Variants in SWAP70 observed in about 807,000 individuals in gnomAD.
SWAP70 encodes switch-associated protein 70.
Under a neutral mutation model 80.2 loss-of-function variants are expected in SWAP70, and 34 were observed. The observed-to-expected ratio is 0.42, with a 90% CI of 0.32 to 0.56. The LOEUF (loss-of-function observed/expected upper bound fraction) is 0.56. SWAP70 is among the 20% of genes least tolerant of loss of function. SWAP70 has a pLI of 0.09. For synonymous variants in SWAP70, 239 were observed against 238.5 expected, an observed-to-expected ratio of 1.00 and a Z score of -0.02; for missense variants, 578 against 690.7, an observed-to-expected ratio of 0.84 and a Z score of 1.83.
intron 9 of SWAP70, 77 bp from the exon 10 acceptor site, chr11:9,747,780 TA>T: frequency 1.4e-6 from 2 of 1,383,754 alleles, no homozygotes; most frequent in Non-Finnish European, 1.0e-6. Flanking sequence ...TTCTCTTGTC[TA>T]AAATGCTTCC....
chr11:9,668,149 A>G (rs1216570566), intron 1 of SWAP70, among the ~76,000 whole-genome samples: 2 of 152,212 alleles, frequency 1.3e-5, no homozygotes, highest in Non-Finnish European at 2.9e-5. Flanking sequence ...TTGGCCTCCC[A>G]AAGCATTGGG....
In SWAP70 at chr11:9,742,287, AT is replaced by A. The variant is rs945346744; in HGVS notation, c.1355+1949del. Among the ~76,000 whole-genome samples the A allele has an allele frequency of 7.9e-5, 12 of 151,500 alleles. No individual in the cohort carries two copies. The East Asian group carries it at 9.7e-4, about 12-fold the overall frequency. On this transcript the variant is annotated intron_variant, in intron 9 of 11. Coordinates refer to ENST00000318950, the MANE Select transcript of SWAP70 (RefSeq NM_015055.4). Reference sequence around the variant, plus strand: ...GAATATAATTATTTTATTATTCTAAATTTTTTTTTCTCTTAGTTTTTGGAAC... The same window carrying A: ...GAATATAATTATTTTATTATTCTAAATTTTTTTTCTCTTAGTTTTTGGAAC...
chr11:9,726,007 T>C (rs536847799), intron 4 of SWAP70, among the ~76,000 whole-genome samples: 199 of 152,268 alleles, frequency 1.3e-3, no homozygotes, highest in African/African-American at 4.3e-3. Context: ...GTTATGCATG[T>C]GTGTAGAGCT....
chr11:9,700,618 G>C (rs1850819208), intron 2 of SWAP70, among the ~76,000 whole-genome samples: 1 of 152,148 alleles, frequency 6.6e-6, no homozygotes, highest in South Asian at 2.1e-4. Context: ...AGGTGGCCTA[G>C]CTAATAAGTG....
intron 1 of SWAP70, among the ~76,000 whole-genome samples, chr11:9,691,245 C>T (rs1449539589): frequency 6.6e-6 from 1 of 152,140 alleles, no homozygotes; most frequent in Non-Finnish European, 1.5e-5. Flanking sequence ...AAGAAGACTT[C>T]CCTTTTATAG....
At chr11:9,702,678 C>T (rs1470657487) in intron 2 of SWAP70, among the ~76,000 whole-genome samples, 1 of 152,118 alleles carries the variant, frequency 6.6e-6, no homozygotes, top group Non-Finnish European at 1.5e-5. Context: ...GCCTTGTCCT[C>T]CCAAAGTGCT....
At chr11:9,736,021 T>C (rs1292001813) in intron 7 of SWAP70, among the ~76,000 whole-genome samples, 1 of 152,152 alleles carries the variant, frequency 6.6e-6, no homozygotes, top group African/African-American at 2.4e-5. Context: ...GTGTCCCACA[T>C]TTCTCTAAGG....
At chr11:9,704,613 G>A (rs541378098) in intron 2 of SWAP70, among the ~76,000 whole-genome samples, 3 of 151,962 alleles carry the variant, frequency 2.0e-5, no homozygotes, top group African/African-American at 2.4e-5. Context: ...GGCTGGTCTC[G>A]GACTCCTGGC....
At chr11:9,716,252 G>A (rs1343225134) in intron 3 of SWAP70, among the ~76,000 whole-genome samples, 11 of 152,140 alleles carry the variant, frequency 7.2e-5, no homozygotes, top group Non-Finnish European at 4.4e-5. Context: ...GAGGTGAGAA[G>A]TTGAGAGAAG....
At chr11:9,692,178 A>C (rs891335767) in intron 1 of SWAP70, among the ~76,000 whole-genome samples, 2 of 147,506 alleles carry the variant, frequency 1.4e-5, no homozygotes, top group Non-Finnish European at 3.0e-5. Context: ...CTATGAAGAT[A>C]AATAGATTGA....
chr11:9,749,933 G>C lies in SWAP70; in HGVS notation c.1721G>C (p.Arg574Thr), dbSNP rs774436139. The C allele has an allele frequency of 3.7e-6, 6 of 1,613,920 alleles. No homozygotes were observed. Among genetic ancestry groups the C allele is most frequent in the Non-Finnish European group, 4.2e-6 (5 of 1,179,930 alleles). Residue 574 changes from arginine to threonine, a missense_variant, in exon 12 of 12, where the codon AGA becomes ACA. Physicochemically the swap from Arg to Thr is moderately conservative, Grantham distance 71. Transcript: ENST00000318950. ...AAFTEAELEE[R>T]EKNWKEKKTT... ...TTCACTGAGGCAGAACTTGAAGAGA[G>C]AGAGAAGAACTGGAAAGAGAAAAAG...
chr11:9,675,408 A>G (rs1195418831), intron 1 of SWAP70, among the ~76,000 whole-genome samples: 26 of 117,014 alleles, frequency 2.2e-4, no homozygotes, highest in Admixed American at 5.4e-4. Flanking sequence ...AGAGAGAGAG[A>G]GAGAGAGAGA....
intron 2 of SWAP70, among the ~76,000 whole-genome samples, chr11:9,704,156 A>G (rs1317896420): frequency 1.3e-5 from 2 of 152,160 alleles, no homozygotes; most frequent in Non-Finnish European, 2.9e-5. Context: ...ATAATATTTT[A>G]ATAACAGACA....
At chr11:9,677,762 T>C (rs546499911) in intron 1 of SWAP70, among the ~76,000 whole-genome samples, 55 of 152,328 alleles carry the variant, frequency 3.6e-4, no homozygotes, top group Middle Eastern at 3.4e-3. Flanking sequence ...AAAAATTTAT[T>C]GTACCTTTTT....
intron 3 of SWAP70, among the ~76,000 whole-genome samples, chr11:9,715,716 C>T (rs555483242): frequency 2.6e-5 from 4 of 152,270 alleles, no homozygotes; most frequent in South Asian, 2.1e-4. Context: ...TTCGCTATTA[C>T]GAGAACAGCA....
At chr11:9,723,446 G>A (rs185627637) in intron 3 of SWAP70, among the ~76,000 whole-genome samples, 3 of 152,100 alleles carry the variant, frequency 2.0e-5, no homozygotes, top group African/African-American at 7.2e-5. Context: ...CTTCATAGTG[G>A]GCCATAACCC....
At chr11:9,697,867 A>G (rs1850778954) in intron 2 of SWAP70, among the ~76,000 whole-genome samples, 1 of 151,968 alleles carries the variant, frequency 6.6e-6, no homozygotes, top group African/African-American at 2.4e-5. Context: ...TGCAACCTTG[A>G]ACTCCTATGC....
At chr11:9,676,623 T>C (rs1850503756) in intron 1 of SWAP70, among the ~76,000 whole-genome samples, 1 of 152,032 alleles carries the variant, frequency 6.6e-6, no homozygotes, top group Admixed American at 6.6e-5. Context: ...GGAAGAAAAG[T>C]TTGCCCATGT....
At chr11:9,735,426 G>T (rs59176194) in intron 7 of SWAP70, among the ~76,000 whole-genome samples, 2,128 of 152,282 alleles carry the variant, frequency 0.014, 57 homozygotes, top group African/African-American at 0.049. Context: ...TTTGGGTTGT[G>T]TTAATCTTTT....
Sources: allele counts gnomAD v4.1 joint callset (sites outside exome capture counted in the v4.1 genomes callset), GRCh38; gene constraint gnomAD v4.1.1; transcripts MANE v1.5; gene names NCBI Gene and HGNC (gene_info 2026-07-23, HGNC 2026-07-21).